Variants in ELAPOR2 observed in about 807,000 individuals in gnomAD.
ELAPOR2 encodes the protein endosome-lysosome associated apoptosis and autophagy regulator family member 2, also known as endosome/lysosome-associated apoptosis and autophagy regulator family member 2.
A neutral mutation model predicts 120.7 loss-of-function variants in ELAPOR2; 89 were observed. That is an observed-to-expected ratio of 0.74 (90% CI 0.62 to 0.88). The LOEUF is 0.88. Ranked by LOEUF, ELAPOR2 falls within the 40% of genes least tolerant of loss-of-function variation. The pLI is 0.00. For synonymous variants in ELAPOR2, 444 were observed against 444.9 expected (o/e 1.00, Z 0.03); for missense variants, 1,134 against 1,251.6 (o/e 0.91, Z 1.42).
chr7:86,938,886 G>C lies in ELAPOR2; in HGVS notation c.922C>G (p.Gln308Glu). Residue 308 changes from glutamine (Q) to glutamate (E), a missense_variant, in exon 7 of 22, where the codon CAG (glutamine) becomes GAG (glutamate). By Grantham distance (29) the Gln-to-Glu change is conservative. This residue lies in a region of ELAPOR2 where 831 missense variants were observed against 867.6 expected (regional missense o/e 0.96). Coordinates refer to ENST00000450689, the MANE Select transcript of ELAPOR2 (RefSeq NM_001142749.3). ...GAATAGGTGTTTCTGGGACACACCT[G>C]GCAGTTGAATGAACCTGGTTTGTTG... ...FSNKPGSFNC[Q>E]VCPRNTYSEK... is the part of the protein sequence containing the mutation. 1 of 1,613,328 alleles carries C rather than the reference G, an allele frequency of 6.2e-7. No individual in the cohort carries two copies. The highest frequency in any genetic ancestry group is 1.1e-5 in the South Asian group (1 of 91,066).
At chr7:86,963,088 T>C (rs1307204947) in intron 2 of ELAPOR2, among the ~76,000 whole-genome samples, 1 of 152,106 alleles carries the variant, frequency 6.6e-6, no homozygotes, top group African/African-American at 2.4e-5. Context: ...AACACAAAGA[T>C]AAAAAATGTC....
In ELAPOR2 at chr7:86,909,821, T is replaced by C. The variant is rs1159273698; in HGVS notation, c.2350A>G (p.Thr784Ala). The change falls in exon 16 of 22, where the codon ACA (threonine) becomes GCA (alanine). Residue 784 changes from threonine to alanine, a missense_variant. By Grantham distance (58) the Thr-to-Ala change is moderately conservative. Around this residue, in one of 3 missense-constraint regions of ELAPOR2, gnomAD observed 831 missense variants for 867.6 expected, o/e 0.96. Transcript: ENST00000450689. The part of the protein sequence containing the change: ...LSSQSIILAD[T>A]FIGVTVETTL... ...ACCAAAGGAAGCTTACCTATGAATG[T>C]ATCTGCCAGAATGATGGATTGTGAT... 4.4e-6 allele frequency: 7 copies of C among 1,609,114 alleles called. No individual in the cohort carries two copies. Among genetic ancestry groups the C allele is most frequent in the Non-Finnish European group, 5.9e-6 (7 of 1,177,812 alleles).
intron 1 of ELAPOR2, among the ~76,000 whole-genome samples, chr7:86,970,949 T>A (rs892192862): frequency 1.3e-5 from 2 of 152,192 alleles, no homozygotes; most frequent in Non-Finnish European, 2.9e-5. Flanking sequence ...GTACCTCCCA[T>A]ATGCCACTGT....
chr7:86,890,621 C>G (rs1013732126), intron 21 of ELAPOR2, among the ~76,000 whole-genome samples: 5 of 152,170 alleles, frequency 3.3e-5, no homozygotes, highest in African/African-American at 9.6e-5. Context: ...TCATCTCTGA[C>G]ATGACTCTCA....
At chr7:86,910,284 G>A (rs184718108) in intron 15 of ELAPOR2, among the ~76,000 whole-genome samples, 14 of 152,200 alleles carry the variant, frequency 9.2e-5, no homozygotes, top group African/African-American at 3.1e-4. Flanking sequence ...ATAAATGAAA[G>A]TCATCAAACT....
rs146946919 is a variant in ELAPOR2, at chr7:86,896,311, T to C, written c.2685+1195A>G. ...TAATTTGTGTGTGTGTGTGCTGGGT[T>C]TGATGTACAATATAATTCTTAATAT... On this transcript the variant is annotated intron_variant, in intron 19 of 21. Coordinates refer to ENST00000450689, the MANE Select transcript of ELAPOR2 (RefSeq NM_001142749.3). Among the ~76,000 whole-genome samples, 511 of 152,202 alleles carry C rather than the reference T, an allele frequency of 3.4e-3. 1 individual carries two copies. Among genetic ancestry groups the C allele is most frequent in the Middle Eastern group, 0.01 (3 of 294 alleles).
At chr7:87,011,036 G>A (rs1406907424) in intron 1 of ELAPOR2, among the ~76,000 whole-genome samples, 1 of 152,028 alleles carries the variant, frequency 6.6e-6, no homozygotes, top group East Asian at 1.9e-4. Context: ...GGGAGGCCAA[G>A]GCGGGCGGGT....
At chr7:86,908,937 A>C (rs1789166659) in intron 16 of ELAPOR2, among the ~76,000 whole-genome samples, 1 of 152,080 alleles carries the variant, frequency 6.6e-6, no homozygotes, top group Admixed American at 6.6e-5. Flanking sequence ...TTTTACTCAT[A>C]TTCAATATAG....
chr7:87,050,024 C>T (rs1195800086), intron 1 of ELAPOR2, among the ~76,000 whole-genome samples: 6 of 152,110 alleles, frequency 3.9e-5, no homozygotes, highest in Admixed American at 1.3e-4. Flanking sequence ...GGCCTTTTAC[C>T]GTGGTACGAC....
At chr7:86,938,100 T>G in intron 8 of ELAPOR2, 26 bp downstream of exon 8, 5 of 1,508,858 alleles carry the variant, frequency 3.3e-6, no homozygotes, top group Non-Finnish European at 4.5e-6. Flanking sequence ...AAATATGGGA[T>G]GGAGTTGATG....
intron 12 of ELAPOR2, among the ~76,000 whole-genome samples, chr7:86,917,913 T>G (rs996157042): frequency 1.3e-5 from 2 of 152,176 alleles, no homozygotes; most frequent in Admixed American, 1.3e-4. Context: ...CTTAGCAAAT[T>G]TCATGGTGAT....
intron 1 of ELAPOR2, among the ~76,000 whole-genome samples, chr7:87,039,751 C>T (rs938020002): frequency 1.3e-4 from 20 of 151,774 alleles, no homozygotes; most frequent in African/African-American, 4.6e-4. Context: ...ATAGAAGGAA[C>T]ATACCGAGGG....
chr7:86,885,676 A>G (rs1045288201), intron 21 of ELAPOR2, among the ~76,000 whole-genome samples: 11 of 152,194 alleles, frequency 7.2e-5, no homozygotes, highest in African/African-American at 2.7e-4. Context: ...CAGGCACTCA[A>G]GTCACCATCA....
intron 16 of ELAPOR2, among the ~76,000 whole-genome samples, chr7:86,909,264 C>T (rs1316057257): frequency 6.6e-6 from 1 of 151,930 alleles, no homozygotes. Flanking sequence ...ATTCCTAAGC[C>T]CCACTGTAGA....
chr7:86,954,187 C>A (rs991615619), intron 2 of ELAPOR2, among the ~76,000 whole-genome samples: 3 of 152,160 alleles, frequency 2.0e-5, no homozygotes, highest in Non-Finnish European at 4.4e-5. Flanking sequence ...ACTCTGGAAG[C>A]CACTCTGAAA....
chr7:87,034,656 G>T (rs1339489371), intron 1 of ELAPOR2, among the ~76,000 whole-genome samples: 1 of 152,060 alleles, frequency 6.6e-6, no homozygotes, highest in African/African-American at 2.4e-5. Flanking sequence ...GAATTATCAA[G>T]TAGAAGTCTG....
chr7:86,984,367 A>C (rs1287586655), intron 1 of ELAPOR2, among the ~76,000 whole-genome samples: 1 of 152,212 alleles, frequency 6.6e-6, no homozygotes, highest in Non-Finnish European at 1.5e-5. Context: ...CTCTACCCCA[A>C]ATCAACAGAA....
chr7:86,972,328 G>A (rs1329713616), intron 1 of ELAPOR2, among the ~76,000 whole-genome samples: 2 of 152,022 alleles, frequency 1.3e-5, no homozygotes, highest in African/African-American at 4.8e-5. Flanking sequence ...TTGGGAACCC[G>A]GGCAGTGAGT....
intron 1 of ELAPOR2, among the ~76,000 whole-genome samples, chr7:87,013,394 A>G (rs1307605943): frequency 6.6e-6 from 1 of 152,212 alleles, no homozygotes; most frequent in Non-Finnish European, 1.5e-5. Context: ...AGTTTAACTC[A>G]TATCAAAAAG....
Sources: allele counts gnomAD v4.1 joint callset (sites outside exome capture counted in the v4.1 genomes callset), GRCh38; gene constraint gnomAD v4.1.1; regional missense constraint gnomAD v4.1.1; transcripts MANE v1.5; gene names NCBI Gene and HGNC (gene_info 2026-07-23, HGNC 2026-07-21).